DNAJC3: variants seen among roughly 807,000 people sequenced by gnomAD.
DNAJC3 encodes the protein DnaJ heat shock protein family (Hsp40) member C3.
A neutral mutation model predicts 68.6 loss-of-function variants in DNAJC3; 38 were observed. The ratio of observed to expected loss-of-function variants is 0.55; its 90% CI spans 0.43 to 0.73. The LOEUF is 0.73. Ranked by LOEUF, DNAJC3 falls within the 30% of genes least tolerant of loss-of-function variation. The pLI, the probability that DNAJC3 is intolerant of heterozygous loss-of-function variation, is 0.00. For synonymous variants in DNAJC3, 203 were observed against 204.0 expected (o/e 1.00, Z 0.04); for missense variants, 526 against 591.9 (o/e 0.89, Z 1.16).
intron 4 of DNAJC3, among the ~76,000 whole-genome samples, chr13:95,742,117 C>T (rs114828013): frequency 1.6e-3 from 247 of 152,294 alleles, no homozygotes; most frequent in African/African-American, 5.5e-3. Context: ...CACTTTGTCC[C>T]TAGGTGGCGG....
chr13:95,707,692 C>T (rs561327067), intron 1 of DNAJC3, among the ~76,000 whole-genome samples: 1 of 152,094 alleles, frequency 6.6e-6, no homozygotes, highest in East Asian at 1.9e-4. Flanking sequence ...GAAGTTTAAT[C>T]TAAGAACTGT....
At chr13:95,726,191 G>A (rs952093289) in intron 4 of DNAJC3, among the ~76,000 whole-genome samples, 2 of 152,114 alleles carry the variant, frequency 1.3e-5, no homozygotes, top group African/African-American at 4.8e-5. Context: ...TATATACCCA[G>A]TAATGGGATG....
At chr13:95,785,904 GCCTTAAC>G in intron 9 of DNAJC3, 28 bp from the exon 10 acceptor site, 1 of 1,528,454 alleles carries the variant, frequency 6.5e-7, no homozygotes, top group Non-Finnish European at 8.8e-7. Context: ...ATTATAATTT[GCCTTAAC>G]AATATTATCT....
chr13:95,677,342 G>C lies in DNAJC3; in HGVS notation c.82+5G>C, dbSNP rs765877628. 5.7e-6 allele frequency: 9 copies of C among 1,589,168 alleles called. No homozygotes were observed. Among genetic ancestry groups the C allele is most frequent in the African/African-American group, 1.4e-5 (1 of 71,724 alleles). On this transcript the variant is annotated splice_donor_5th_base_variant and intron_variant, in intron 1 of 11. Coordinates refer to ENST00000602402, the MANE Select transcript of DNAJC3 (RefSeq NM_006260.5). ...TGGTGGATCTGCAGTACGAAGGTGAGTCCTGCCCTGCCCCGGCCAGGAAGT... is the reference window on the plus strand; with the variant it reads ...TGGTGGATCTGCAGTACGAAGGTGACTCCTGCCCTGCCCCGGCCAGGAAGT...
chr13:95,712,373 TC>T (rs1334258145), intron 2 of DNAJC3, among the ~76,000 whole-genome samples: 2 of 119,628 alleles, frequency 1.7e-5, no homozygotes, highest in African/African-American at 6.4e-5. Flanking sequence ...AATGCTTTTT[TC>T]TTTTTTTTTT....
chr13:95,737,670 C>T (rs1044921831), intron 4 of DNAJC3, among the ~76,000 whole-genome samples: 4 of 151,488 alleles, frequency 2.6e-5, no homozygotes, highest in African/African-American at 9.8e-5. Flanking sequence ...TGGTGATATC[C>T]CCTTTATCAT....
intron 11 of DNAJC3, among the ~76,000 whole-genome samples, chr13:95,790,338 CCCCGCTGTGGGGGCA>C (rs1883729542): frequency 6.6e-6 from 1 of 152,140 alleles, no homozygotes; most frequent in African/African-American, 2.4e-5. Context: ...GGCTCAGAGG[CCCCGCTGTGGGGGCA>C]CCAATTGCAT....
intron 7 of DNAJC3, among the ~76,000 whole-genome samples, chr13:95,761,291 T>C (rs1018044757): frequency 2.6e-5 from 4 of 151,966 alleles, no homozygotes; most frequent in African/African-American, 9.7e-5. Flanking sequence ...GTGATAGATA[T>C]TTAAATCCTA....
intron 1 of DNAJC3, among the ~76,000 whole-genome samples, chr13:95,700,366 A>G (rs1880552275): frequency 6.6e-6 from 1 of 152,180 alleles, no homozygotes; most frequent in Non-Finnish European, 1.5e-5. Flanking sequence ...TTCAAGTAAT[A>G]TGCCAAAAAA....
chr13:95,710,248 T>G (rs1593968950), intron 2 of DNAJC3, among the ~76,000 whole-genome samples: 1 of 125,506 alleles, frequency 8.0e-6, no homozygotes, highest in Admixed American at 7.7e-5. Context: ...TTTTTTTTTT[T>G]GCTTTTTTGA....
chr13:95,782,075 T>C (rs148549676), intron 9 of DNAJC3, among the ~76,000 whole-genome samples: 6 of 152,290 alleles, frequency 3.9e-5, no homozygotes, highest in African/African-American at 1.4e-4. Flanking sequence ...TGTTCCTGTG[T>C]TAGTTTGCTG....
intron 2 of DNAJC3, among the ~76,000 whole-genome samples, chr13:95,715,064 G>A (rs1881093484): frequency 6.6e-6 from 1 of 152,182 alleles, no homozygotes; most frequent in South Asian, 2.1e-4. Flanking sequence ...TTAGTAAAGG[G>A]AGAATGTAAA....
In DNAJC3 at chr13:95,791,364, A is replaced by C. The variant is rs1883768787; in HGVS notation, c.*334A>C. On this transcript the variant is annotated 3_prime_UTR_variant, in exon 12 of 12. Coordinates refer to ENST00000602402, the MANE Select transcript of DNAJC3 (RefSeq NM_006260.5). ...CACTGGAGCTGAGATTCTTCTCTTC[A>C]CAGCCTTGCAGAGTAAGTCAGTGCC... 3.2e-6 allele frequency: 1 copy of C among 312,382 alleles called. No homozygotes were observed. Among genetic ancestry groups the C allele is most frequent in the Non-Finnish European group, 6.0e-6 (1 of 166,092 alleles). The allele number at this position is 312,382 out of a possible 1,614,324, so 19.4% of individuals were successfully genotyped here. A position where few individuals can be genotyped will look rare whatever the true frequency, so the allele number is the denominator to read the frequency against.
intron 2 of DNAJC3, among the ~76,000 whole-genome samples, chr13:95,721,507 A>G (rs1364719666): frequency 6.6e-6 from 1 of 152,192 alleles, no homozygotes; most frequent in Non-Finnish European, 1.5e-5. Context: ...CCACAGTGCC[A>G]TACCATCTTA....
chr13:95,749,313 T>G lies in DNAJC3; in HGVS notation c.394-8331T>G, dbSNP rs1594002125. Among the ~76,000 whole-genome samples, 2 of 152,348 alleles carry G rather than the reference T, an allele frequency of 1.3e-5. 1 individual carries two copies. Among genetic ancestry groups the G allele is most frequent in the South Asian group, 4.1e-4 (2 of 4,830 alleles). ...GTGCTAGACCATTCTTGTGTATGTA[T>G]GATCATGCTGACTGGCTGATGGTAA... On this transcript the variant is annotated intron_variant, in intron 4 of 11. Transcript: ENST00000602402.
At chr13:95,713,494 A>T (rs563186170) in intron 2 of DNAJC3, among the ~76,000 whole-genome samples, 1 of 152,250 alleles carries the variant, frequency 6.6e-6, no homozygotes. Flanking sequence ...AGAAAGACTT[A>T]AATGAAGAGA....
At chr13:95,695,511 A>T (rs1400070174) in intron 1 of DNAJC3, 1 of 152,278 alleles carries the variant, frequency 6.6e-6, no homozygotes, top group Non-Finnish European at 1.5e-5. Context: ...ACAACAAAGC[A>T]TAATATTCTG....
chr13:95,740,090 C>T (rs1367282587), intron 4 of DNAJC3, among the ~76,000 whole-genome samples: 3 of 152,018 alleles, frequency 2.0e-5, no homozygotes, highest in Non-Finnish European at 2.9e-5. Flanking sequence ...GTCAGTGTGC[C>T]CCTGCTGGGG....
chr13:95,781,649 A>G (rs1883457511), intron 9 of DNAJC3, among the ~76,000 whole-genome samples: 1 of 152,186 alleles, frequency 6.6e-6, no homozygotes, highest in Admixed American at 6.5e-5. Context: ...AATATAGAAG[A>G]AAAGTAATTT....
Sources: allele counts gnomAD v4.1 joint callset (sites outside exome capture counted in the v4.1 genomes callset), GRCh38; gene constraint gnomAD v4.1.1; transcripts MANE v1.5; gene names NCBI Gene and HGNC (gene_info 2026-07-23, HGNC 2026-07-21).